ZBTB16: variants seen among roughly 807,000 people sequenced by gnomAD.
ZBTB16 encodes zinc finger and BTB domain-containing protein 16.
Under a neutral mutation model 56.8 loss-of-function variants are expected in ZBTB16, and 8 were observed. The ratio of observed to expected loss-of-function variants is 0.14; its 90% CI spans 0.08 to 0.25. The LOEUF is 0.25. ZBTB16 is among the 10% of genes least tolerant of loss of function. ZBTB16 has a pLI of 1.00. For missense variants in ZBTB16, 625 were observed against 903.0 expected, an observed-to-expected ratio of 0.69 and a Z score of 3.95; for synonymous variants, 363 against 368.5, an observed-to-expected ratio of 0.98 and a Z score of 0.17.
At chr11:114,071,831 C>G (rs900103835) in intron 2 of ZBTB16, among the ~76,000 whole-genome samples, 17 of 152,186 alleles carry the variant, frequency 1.1e-4, no homozygotes, top group African/African-American at 3.9e-4. Flanking sequence ...CTCTTCCCCA[C>G]CCCCACGTTT....
chr11:114,233,959 G>A (rs896008511), intron 4 of ZBTB16, among the ~76,000 whole-genome samples: 1 of 152,134 alleles, frequency 6.6e-6, no homozygotes, highest in African/African-American at 2.4e-5. Flanking sequence ...AGTTGTATGT[G>A]TGCATATGTT....
chr11:114,222,931 A>AG (rs1230735475), intron 4 of ZBTB16, among the ~76,000 whole-genome samples: 1 of 152,130 alleles, frequency 6.6e-6, no homozygotes, highest in African/African-American at 2.4e-5. Context: ...TATGTGCCTG[A>AG]GGGCAGCTCA....
chr11:114,230,238 A>G (rs1217782469), intron 4 of ZBTB16, among the ~76,000 whole-genome samples: 1 of 152,126 alleles, frequency 6.6e-6, no homozygotes, highest in East Asian at 1.9e-4. Context: ...TGTGCAACAC[A>G]CACATGCACA....
intron 2 of ZBTB16, among the ~76,000 whole-genome samples, chr11:114,145,945 C>A (rs1296127677): frequency 6.6e-6 from 1 of 152,086 alleles, no homozygotes; most frequent in Non-Finnish European, 1.5e-5. Flanking sequence ...TAATAAAAAG[C>A]TAATATATAA....
At chr11:114,113,146 A>C (rs1307256812) in intron 2 of ZBTB16, among the ~76,000 whole-genome samples, 1 of 152,110 alleles carries the variant, frequency 6.6e-6, no homozygotes, top group African/African-American at 2.4e-5. Flanking sequence ...CTGCATGTCT[A>C]ATCTTTCTTA....
intron 2 of ZBTB16, among the ~76,000 whole-genome samples, chr11:114,148,336 GCTTCCTTC>G (rs1202157247): frequency 1.9e-3 from 101 of 52,592 alleles, no homozygotes; most frequent in East Asian, 9.1e-3. Flanking sequence ...TGGCTGGCTG[GCTTCCTTC>G]CTTCCTTCCT....
intron 3 of ZBTB16, among the ~76,000 whole-genome samples, chr11:114,183,968 C>T (rs1468194183): frequency 6.6e-6 from 1 of 152,244 alleles, no homozygotes. Flanking sequence ...CCTGAGGATG[C>T]CCTGTGGCGT....
rs533674604 is a variant in ZBTB16, at chr11:114,147,443, C to T, written c.1269-8894C>T. ...ATTTGTGCTGGTTAAAAGCCTTGTACGGGAGAGGGAGAACAAAAACCCTGT... is the reference window on the plus strand; with the variant it reads ...ATTTGTGCTGGTTAAAAGCCTTGTATGGGAGAGGGAGAACAAAAACCCTGT... On this transcript the variant is annotated intron_variant, in intron 2 of 6. Coordinates refer to ENST00000335953, the MANE Select transcript of ZBTB16 (RefSeq NM_006006.6). Among the ~76,000 whole-genome samples the T allele has an allele frequency of 4.6e-5, 7 of 152,150 alleles. No individual in the cohort carries two copies. In the East Asian group the frequency reaches 7.7e-4, roughly 17 times the overall value.
rs778390946 is a variant in ZBTB16 at position 114,253,768 on chromosome 11, C to T, written c.*3213C>T. Reference sequence around the variant, plus strand: ...ACAACAGAACAGTTCTAATGTTGCACGGCCTAGTGGCCAGGGGGCAAGCTA... The same window carrying T: ...ACAACAGAACAGTTCTAATGTTGCATGGCCTAGTGGCCAGGGGGCAAGCTA... On this transcript the variant is annotated 3_prime_UTR_variant, in exon 7 of 7. Coordinates refer to ENST00000335953, the MANE Select transcript of ZBTB16 (RefSeq NM_006006.6). 5.9e-5 allele frequency among the ~76,000 whole-genome samples: 9 copies of T among 152,200 alleles called. No individual in the cohort carries two copies. Among genetic ancestry groups the T allele is most frequent in the Non-Finnish European group, 1.2e-4 (8 of 68,032 alleles).
At position 114,163,143 on chromosome 11, in the gene ZBTB16, A is replaced by G. The variant is rs1942638894; in HGVS notation, c.1366+6709A>G. Among the ~76,000 whole-genome samples, 3 of 152,168 alleles carry G rather than the reference A, an allele frequency of 2.0e-5. No individual in the cohort carries two copies. In the South Asian group the frequency reaches 6.2e-4, roughly 32 times the overall value. On this transcript the variant is annotated intron_variant, in intron 3 of 6. Coordinates refer to ENST00000335953, the MANE Select transcript of ZBTB16 (RefSeq NM_006006.6). ...TTATAAATTATACACTGGCTGATGA[A>G]AAATACATTTCTTTCCTCTCCCCTT... is the stretch of plus-strand genomic sequence containing the variant.
At chr11:114,163,907 T>C (rs1055703805) in intron 3 of ZBTB16, among the ~76,000 whole-genome samples, 1 of 152,248 alleles carries the variant, frequency 6.6e-6, no homozygotes, top group Non-Finnish European at 1.5e-5. Flanking sequence ...GTTTATCGTT[T>C]GCCCAACAGG....
At chr11:114,170,279 C>G (rs1208921137) in intron 3 of ZBTB16, among the ~76,000 whole-genome samples, 1 of 152,230 alleles carries the variant, frequency 6.6e-6, no homozygotes, top group Non-Finnish European at 1.5e-5. Context: ...AGGGCTGCCT[C>G]TGGGTGAGGC....
chr11:114,248,119 C>T (rs1176856484), intron 6 of ZBTB16, among the ~76,000 whole-genome samples: 2 of 152,094 alleles, frequency 1.3e-5, no homozygotes, highest in South Asian at 2.1e-4. Flanking sequence ...AGGCTGGTCT[C>T]GAACTCCTGA....
rs548119641 is a variant in ZBTB16, at chr11:114,063,289, G to T, written c.-12G>T. On this transcript the variant is annotated 5_prime_UTR_variant, in exon 2 of 7. Coordinates refer to ENST00000335953, the MANE Select transcript of ZBTB16 (RefSeq NM_006006.6). This position sits in a 1 kb window ranked among gnomAD's most constrained non-coding sequence, Gnocchi z 6.5. ...GGAAAGAAAGCCTCATGCCTGAGCCGAGGGGAGCACCATGGATCTGACAAA... is the reference window on the plus strand; with the variant it reads ...GGAAAGAAAGCCTCATGCCTGAGCCTAGGGGAGCACCATGGATCTGACAAA... The T allele has an allele frequency of 6.2e-7, 1 of 1,613,344 alleles. No individual in the cohort carries two copies. Among genetic ancestry groups the T allele is most frequent in the South Asian group, 1.1e-5 (1 of 91,004 alleles).
At chr11:114,127,621 C>G (rs1941545207) in intron 2 of ZBTB16, among the ~76,000 whole-genome samples, 1 of 152,128 alleles carries the variant, frequency 6.6e-6, no homozygotes, top group African/African-American at 2.4e-5. Flanking sequence ...ATTTTGAGCT[C>G]TTGACTAGGA....
chr11:114,094,986 C>T (rs1940327176), intron 2 of ZBTB16, among the ~76,000 whole-genome samples: 1 of 152,216 alleles, frequency 6.6e-6, no homozygotes, highest in Admixed American at 6.5e-5. Flanking sequence ...GGCCCCACAC[C>T]ATAGAAGCTG....
rs541970882 is a variant in ZBTB16, at chr11:114,252,097, C to T, written c.*1542C>T. Among the ~76,000 whole-genome samples, 10 of 152,162 alleles carry T rather than the reference C, an allele frequency of 6.6e-5. No individual in the cohort carries two copies. The highest frequency in any genetic ancestry group is 1.4e-4 in the African/African-American group (6 of 41,520). On this transcript the variant is annotated 3_prime_UTR_variant, in exon 7 of 7. Transcript: ENST00000335953. ...ATACTCAGGATCTGAATGTGAGGGCCGAGGAGGGCGAAGAGCGTGGGTGGG... is the reference window on the plus strand; with the variant it reads ...ATACTCAGGATCTGAATGTGAGGGCTGAGGAGGGCGAAGAGCGTGGGTGGG...
intron 3 of ZBTB16, among the ~76,000 whole-genome samples, chr11:114,159,531 G>T (rs1942519264): frequency 6.6e-6 from 1 of 152,082 alleles, no homozygotes; most frequent in Non-Finnish European, 1.5e-5. Context: ...GTGCTGAGAG[G>T]TCTTGAAAAT....
chr11:114,201,735 T>C (rs1356187055), intron 4 of ZBTB16, among the ~76,000 whole-genome samples: 2 of 152,194 alleles, frequency 1.3e-5, no homozygotes, highest in East Asian at 3.9e-4. Flanking sequence ...AAAGCCACCC[T>C]ATAAGACTCT....
Sources: allele counts gnomAD v4.1 joint callset (sites outside exome capture counted in the v4.1 genomes callset), GRCh38; gene constraint gnomAD v4.1.1; non-coding constraint Gnocchi (gnomAD v3.1); transcripts MANE v1.5; gene names NCBI Gene and HGNC (gene_info 2026-07-23, HGNC 2026-07-21).